Variants in PPP6C observed in about 807,000 individuals in gnomAD.
The protein encoded by PPP6C is protein phosphatase 6 catalytic subunit.
PPP6C carries 11 observed loss-of-function variants against 39.8 expected under a neutral mutation model. That is an observed-to-expected ratio of 0.28 (90% confidence interval 0.17 to 0.46). PPP6C has a LOEUF of 0.46. PPP6C is among the 20% of genes least tolerant of loss of function. The pLI is 1.00. For missense variants in PPP6C, 211 were observed against 373.9 expected (o/e 0.56, Z 3.59); for synonymous variants, 129 against 130.3 (o/e 0.99, Z 0.07).
At chr9:125,163,500 G>A (rs552497788) in intron 2 of PPP6C, among the ~76,000 whole-genome samples, 76 of 152,090 alleles carry the variant, frequency 5.0e-4, no homozygotes, top group East Asian at 3.9e-4. Flanking sequence ...GTGCGATCTC[G>A]GCTCACTGCA....
intron 4 of PPP6C, among the ~76,000 whole-genome samples, chr9:125,156,744 GCTCT>G (rs61252351): frequency 0.032 from 4,464 of 141,318 alleles, 69 homozygotes; most frequent in African/African-American, 0.042. Context: ...TAATAAGCTC[GCTCT>G]CTCTCTCTCT....
chr9:125,175,457 T>C (rs1387285643), intron 1 of PPP6C, among the ~76,000 whole-genome samples: 1 of 151,094 alleles, frequency 6.6e-6, no homozygotes, highest in Non-Finnish European at 1.5e-5. Context: ...GCTAACACAG[T>C]GAAACCCCGT....
At chr9:125,155,304 A>G (rs990976996) in intron 4 of PPP6C, among the ~76,000 whole-genome samples, 3 of 152,298 alleles carry the variant, frequency 2.0e-5, no homozygotes, top group East Asian at 1.9e-4. Flanking sequence ...AAAACCTGAC[A>G]TATCACTATT....
At position 125,164,216 on chromosome 9, in the gene PPP6C, C is replaced by CTT. The variant is rs1307179998; in HGVS notation, c.172-3311_172-3310insAA. Among the ~76,000 whole-genome samples, 13 of 119,788 alleles carry CTT rather than the reference C, an allele frequency of 1.1e-4. 1 individual carries two copies. The highest frequency in any genetic ancestry group is 1.2e-4 in the Non-Finnish European group (7 of 56,700). 78.6% of individuals were successfully genotyped at this position (119,788 alleles called of 152,430 possible). A position where few individuals can be genotyped will look rare whatever the true frequency, so the allele number is the denominator to read the frequency against. Reference sequence around the variant, plus strand: ...ATCTACTCTATGTCTCTCCCTCACTCTCTTTTTTTTTTTTTTTTTTTTTTT... The same window carrying CTT: ...ATCTACTCTATGTCTCTCCCTCACTCTTTCTTTTTTTTTTTTTTTTTTTTTTT... On this transcript the variant is annotated intron_variant, in intron 2 of 6. Coordinates refer to ENST00000373547, the MANE Select transcript of PPP6C (RefSeq NM_002721.5).
intron 1 of PPP6C, 128 bp from the exon 2 acceptor site, chr9:125,171,308 C>A: frequency 1.6e-6 from 1 of 632,778 alleles, no homozygotes; most frequent in Non-Finnish European, 2.5e-6. Context: ...AGGAAAGTAC[C>A]CTGTGATAAT....
At chr9:125,154,492 C>T (rs912769210) in intron 4 of PPP6C, among the ~76,000 whole-genome samples, 1 of 152,202 alleles carries the variant, frequency 6.6e-6, no homozygotes, top group Non-Finnish European at 1.5e-5. Context: ...TGGCACATGA[C>T]TGTATTTCCT....
chr9:125,173,963 A>G (rs948059994), intron 1 of PPP6C, among the ~76,000 whole-genome samples: 1 of 152,222 alleles, frequency 6.6e-6, no homozygotes, highest in Non-Finnish European at 1.5e-5. Flanking sequence ...CACTTCAAAA[A>G]TATTTGTCCA....
intron 2 of PPP6C, among the ~76,000 whole-genome samples, chr9:125,163,241 T>C (rs191559204): frequency 6.6e-6 from 1 of 152,164 alleles, no homozygotes; most frequent in Admixed American, 6.6e-5. Context: ...CAAAAATCAT[T>C]AGGGAAAAGA....
intron 2 of PPP6C, among the ~76,000 whole-genome samples, chr9:125,167,323 A>T (rs10986601): frequency 0.015 from 2,196 of 142,096 alleles, 106 homozygotes; most frequent in East Asian, 0.088. Flanking sequence ...AGAGGCTGCA[A>T]TGAACTGAGA....
rs1014555231 is a variant in PPP6C at position 125,148,047 on chromosome 9, A to T, written c.*1626T>A. 14 of 186,200 alleles carry T rather than the reference A, an allele frequency of 7.5e-5. No individual in the cohort carries two copies. Among genetic ancestry groups the T allele is most frequent in the African/African-American group, 3.1e-4 (13 of 41,578 alleles). The allele number at this position is 186,200 out of a possible 1,614,324, so 11.5% of individuals were successfully genotyped here. ...CTTTCATATAGCTATATAATTAAAA[A>T]CTATGTAAGGAGCTGGGTGGTTTGA... On this transcript the variant is annotated 3_prime_UTR_variant, in exon 7 of 7. Transcript: ENST00000373547.
intron 1 of PPP6C, among the ~76,000 whole-genome samples, chr9:125,183,514 T>A (rs2131343240): frequency 6.6e-6 from 1 of 152,276 alleles, no homozygotes; most frequent in Admixed American, 6.5e-5. Flanking sequence ...GATTTTTCCC[T>A]AAAATATAAA....
At chr9:125,184,741 G>C (rs867362326) in intron 1 of PPP6C, among the ~76,000 whole-genome samples, 10 of 152,126 alleles carry the variant, frequency 6.6e-5, no homozygotes, top group South Asian at 2.1e-4. Context: ...GGGAGGCCGA[G>C]GTGGGCGGAT....
At chr9:125,161,620 A>C (rs1456962400) in intron 2 of PPP6C, among the ~76,000 whole-genome samples, 1 of 152,034 alleles carries the variant, frequency 6.6e-6, no homozygotes, top group Non-Finnish European at 1.5e-5. Flanking sequence ...ATTTTTATAG[A>C]GACAGGGTCT....
rs112401361 is a variant in PPP6C, at chr9:125,155,166, A to G, written c.380-1181T>C. On this transcript the variant is annotated intron_variant, in intron 4 of 6. Coordinates refer to ENST00000373547, the MANE Select transcript of PPP6C (RefSeq NM_002721.5). ...AGCAATCCTCCTACCTCAGCCTCCCACAGTGCTGAGAATACAGATGTGAGC... is the reference window on the plus strand; with the variant it reads ...AGCAATCCTCCTACCTCAGCCTCCCGCAGTGCTGAGAATACAGATGTGAGC... Among the ~76,000 whole-genome samples, 562 of 152,212 alleles carry G rather than the reference A, an allele frequency of 3.7e-3. 4 individuals are homozygous for G. Among genetic ancestry groups the G allele is most frequent in the Non-Finnish European group, 6.2e-3 (423 of 68,016 alleles).
intron 2 of PPP6C, among the ~76,000 whole-genome samples, chr9:125,170,840 A>T (rs1829132464): frequency 6.6e-6 from 1 of 152,204 alleles, no homozygotes; most frequent in South Asian, 2.1e-4. Flanking sequence ...TTCCACAGAA[A>T]ACTAATGCTG....
chr9:125,170,695 A>G (rs895732299), intron 2 of PPP6C, among the ~76,000 whole-genome samples: 4 of 152,222 alleles, frequency 2.6e-5, no homozygotes, highest in African/African-American at 9.6e-5. Context: ...TAAATTTTCA[A>G]CAATATATGA....
intron 1 of PPP6C, among the ~76,000 whole-genome samples, chr9:125,187,323 G>T (rs1249766465): frequency 6.6e-6 from 1 of 151,110 alleles, no homozygotes; most frequent in Non-Finnish European, 1.5e-5. Context: ...CTGTCTCCCA[G>T]GCTGGAGTAC....
intron 1 of PPP6C, chr9:125,171,833 C>T (rs1285438707): frequency 2.4e-5 from 11 of 454,058 alleles, no homozygotes; most frequent in Admixed American, 9.5e-5. Flanking sequence ...GGATTACAGG[C>T]GTCAGCCACC....
chr9:125,173,892 A>T (rs1449459873), intron 1 of PPP6C, among the ~76,000 whole-genome samples: 1 of 152,172 alleles, frequency 6.6e-6, no homozygotes, highest in African/African-American at 2.4e-5. Flanking sequence ...CTGGGATTAC[A>T]GGCGTGAGCC....
Sources: gnomAD v4.1 joint callset for allele counts (sites outside exome capture counted in the v4.1 genomes callset) on GRCh38, gnomAD v4.1.1 for gene constraint, MANE v1.5 for transcripts, NCBI Gene and HGNC (gene_info 2026-07-23, HGNC 2026-07-21) for gene names.